ZNG1F: variants seen among roughly 807,000 people sequenced by gnomAD.
The protein encoded by ZNG1F is Zn regulated GTPase metalloprotein activator 1F.
At chr9:41,185,061 T>C in the ZNG1F span, among the ~76,000 whole-genome samples, 1 of 141,066 alleles carries the variant, frequency 7.1e-6, no homozygotes, top group African/African-American at 2.6e-5. Context: ...TATTGTTTTT[T>C]GGCTAGAAGT....
chr9:41,176,891 TA>T, the ZNG1F span: 1 of 136,028 alleles, frequency 7.4e-6, no homozygotes, highest in Non-Finnish European at 1.6e-5. Context: ...CATAACCCAA[TA>T]AAAACTAAAG....
chr9:41,158,806 C>A, the ZNG1F span: 1 of 96,672 alleles, frequency 1.0e-5, no homozygotes, highest in Non-Finnish European at 2.1e-5. Context: ...TCCATGGCAT[C>A]AAATTAATTT....
the ZNG1F span, among the ~76,000 whole-genome samples, chr9:41,185,030 T>G: frequency 7.6e-6 from 1 of 130,764 alleles, no homozygotes; most frequent in Non-Finnish European, 1.6e-5. Flanking sequence ...TAGTACATTT[T>G]AAAAGAAATC....
the ZNG1F span, among the ~76,000 whole-genome samples, chr9:41,140,997 G>A: frequency 6.7e-6 from 1 of 149,182 alleles, no homozygotes; most frequent in Admixed American, 6.7e-5. Flanking sequence ...CAAAGCGCTA[G>A]GATTACAAGC....
chr9:41,132,610 C>G, the ZNG1F span: 4 of 1,201,586 alleles, frequency 3.3e-6, no homozygotes, highest in Non-Finnish European at 4.3e-6. Context: ...AAAGTTAATA[C>G]ATATATTAGG....
the ZNG1F span, chr9:41,132,039 A>T: frequency 1.4e-6 from 2 of 1,379,946 alleles, no homozygotes; most frequent in South Asian, 1.5e-5. Context: ...CTTTTCTAAA[A>T]TTGAAGAAGA....
chr9:41,150,124 G>A, the ZNG1F span, among the ~76,000 whole-genome samples: 7 of 85,798 alleles, frequency 8.2e-5, no homozygotes, highest in East Asian at 3.4e-4. Flanking sequence ...TGCTCCATCC[G>A]CGAGCCAAAG....
the ZNG1F span, among the ~76,000 whole-genome samples, chr9:41,204,890 T>G: frequency 6.7e-6 from 1 of 149,326 alleles, no homozygotes; most frequent in Non-Finnish European, 1.5e-5. Flanking sequence ...TTTTATGAGT[T>G]ATAATTTTTA....
the ZNG1F span, among the ~76,000 whole-genome samples, chr9:41,169,515 T>C: frequency 6.6e-6 from 1 of 150,514 alleles, no homozygotes; most frequent in Non-Finnish European, 1.5e-5. Flanking sequence ...TTGATACTAA[T>C]TAATCCAACA....
chr9:41,158,770 C>T, the ZNG1F span: 2 of 87,538 alleles, frequency 2.3e-5, no homozygotes, highest in African/African-American at 8.2e-5. Context: ...TTCACTCATT[C>T]AAGGCATACG....
chr9:41,154,822 T>A, the ZNG1F span, among the ~76,000 whole-genome samples: 1 of 149,906 alleles, frequency 6.7e-6, no homozygotes, highest in Non-Finnish European at 1.5e-5. Flanking sequence ...TGAAACTGGA[T>A]CCCTTCCTTA....
chr9:41,183,097 A>C, the ZNG1F span, among the ~76,000 whole-genome samples: 13 of 105,582 alleles, frequency 1.2e-4, no homozygotes. Context: ...TTCATTCAAC[A>C]AATATTTGAG....
chr9:41,184,528 TTATC>T, the ZNG1F span, among the ~76,000 whole-genome samples: 11 of 148,490 alleles, frequency 7.4e-5, 1 homozygote, highest in African/African-American at 2.7e-4. Flanking sequence ...GAAATGCTTG[TTATC>T]TATAAGAATT....
At chr9:41,204,388 TTATATATATA>T in the ZNG1F span, among the ~76,000 whole-genome samples, 9 of 20,224 alleles carry the variant, frequency 4.5e-4, no homozygotes, top group African/African-American at 6.1e-4. Context: ...AATTTTTATT[TTATATATATA>T]TATATATATA....
chr9:41,153,791 CA>C, the ZNG1F span, among the ~76,000 whole-genome samples: 2 of 116,402 alleles, frequency 1.7e-5, no homozygotes, highest in African/African-American at 6.5e-5. Context: ...AGGCCTTTGA[CA>C]AAATTCAACA....
the ZNG1F span, chr9:41,145,505 T>A: frequency 1.6e-6 from 1 of 624,528 alleles, no homozygotes; most frequent in Admixed American, 3.4e-5. Flanking sequence ...GCTGGCAGAT[T>A]AAGTTTTTTT....
the ZNG1F span, among the ~76,000 whole-genome samples, chr9:41,195,309 G>A: frequency 0.012 from 931 of 77,582 alleles, 31 homozygotes; most frequent in East Asian, 0.086. Flanking sequence ...AGAGGTCAAT[G>A]GCTTGTATTC....
the ZNG1F span, among the ~76,000 whole-genome samples, chr9:41,155,034 C>A: frequency 5.4e-3 from 813 of 150,406 alleles, 13 homozygotes; most frequent in African/African-American, 0.018. Flanking sequence ...AGCTTCTGCA[C>A]AGCAAAAGAA....
At chr9:41,165,329 C>A in the ZNG1F span, among the ~76,000 whole-genome samples, 1 of 28,162 alleles carries the variant, frequency 3.6e-5, no homozygotes, top group East Asian at 8.4e-4. Context: ...TTTCACATTA[C>A]CCATTTGCAA....
Sources: allele counts gnomAD v4.1 joint callset (sites outside exome capture counted in the v4.1 genomes callset), GRCh38; gene constraint gnomAD v4.1.1; transcripts MANE v1.5; gene names NCBI Gene and HGNC (gene_info 2026-07-23, HGNC 2026-07-21).